Variants in VSTM4 observed in about 807,000 individuals in gnomAD.
The protein encoded by VSTM4 is V-set and transmembrane domain-containing protein 4.
Under a neutral mutation model 36.4 loss-of-function variants are expected in VSTM4, and 20 were observed. The observed-to-expected ratio is 0.55, with a 90% confidence interval of 0.39 to 0.80. The LOEUF (loss-of-function observed/expected upper bound fraction) is 0.80, where lower values mean the gene tolerates loss of function less well. Ranked by LOEUF, VSTM4 falls within the 30% of genes least tolerant of loss-of-function variation. VSTM4 has a pLI of 0.00. For synonymous variants in VSTM4, 182 were observed against 173.9 expected (o/e 1.05, Z -0.37); for missense variants, 392 against 404.5 (o/e 0.97, Z 0.26).
At chr10:49,107,348 C>T (rs1357490616) in intron 2 of VSTM4, among the ~76,000 whole-genome samples, 3 of 152,236 alleles carry the variant, frequency 2.0e-5, no homozygotes, top group African/African-American at 7.2e-5. Context: ...TTGGGCTGGG[C>T]CATGTTGGGG....
intron 1 of VSTM4, 21 bp downstream of exon 1, chr10:49,115,410 G>T (rs1371314400): frequency 6.9e-6 from 7 of 1,020,876 alleles, no homozygotes; most frequent in African/African-American, 5.3e-5. Flanking sequence ...TCCCGCTCCC[G>T]CCTGGCCCCG....
intron 4 of VSTM4, among the ~76,000 whole-genome samples, chr10:49,073,941 A>G (rs1229493461): frequency 6.6e-6 from 1 of 152,220 alleles, no homozygotes; most frequent in Non-Finnish European, 1.5e-5. Flanking sequence ...AAATTGGCTG[A>G]AGAGTGTTTT....
chr10:49,033,332 A>G (rs886483052), intron 7 of VSTM4, among the ~76,000 whole-genome samples: 2 of 152,226 alleles, frequency 1.3e-5, no homozygotes, highest in African/African-American at 4.8e-5. Flanking sequence ...GGAACTTGGC[A>G]CACAGAAATG....
intron 2 of VSTM4, among the ~76,000 whole-genome samples, chr10:49,104,898 G>C (rs374401829): frequency 2.8e-5 from 4 of 144,182 alleles, no homozygotes; most frequent in African/African-American, 8.0e-5. Context: ...GAGAGAGAGA[G>C]ACACAGAGAG....
chr10:49,040,612 A>G (rs1244976705), intron 7 of VSTM4, among the ~76,000 whole-genome samples: 1 of 151,762 alleles, frequency 6.6e-6, no homozygotes, highest in Non-Finnish European at 1.5e-5. Flanking sequence ...TTGTCCTACT[A>G]TTTTTTAAAA....
At chr10:49,114,661 T>C (rs1468692009) in intron 1 of VSTM4, among the ~76,000 whole-genome samples, 1 of 151,958 alleles carries the variant, frequency 6.6e-6, no homozygotes, top group Non-Finnish European at 1.5e-5. Context: ...TTAAATGAGA[T>C]AGGCCCAGAT....
chr10:49,015,625 GGGAGTGTGGTCT>G lies in VSTM4; in HGVS notation c.*4013_*4024del, dbSNP rs944551072. 7 of 152,172 alleles carry G rather than the reference GGGAGTGTGGTCT, an allele frequency of 4.6e-5. No homozygotes were observed. Among genetic ancestry groups the G allele is most frequent in the Non-Finnish European group, 1.0e-4 (7 of 68,046 alleles). 9.4% of individuals were successfully genotyped at this position (152,172 alleles called of 1,614,324 possible). A position where few individuals can be genotyped will look rare whatever the true frequency, so the allele number is the denominator to read the frequency against. On this transcript the variant is annotated 3_prime_UTR_variant, in exon 8 of 8. Coordinates refer to ENST00000332853, the MANE Select transcript of VSTM4 (RefSeq NM_001031746.5). ...CAGTTTCTATCCTATGTATGGAGAT[GGGAGTGTGGTCT>G]GGAGTGGGGTCAATGTCCCCGCCAT...
At chr10:49,079,405 G>GT (rs1422391690) in intron 3 of VSTM4, among the ~76,000 whole-genome samples, 1 of 152,080 alleles carries the variant, frequency 6.6e-6, no homozygotes, top group Admixed American at 6.5e-5. Flanking sequence ...AATAATCAAC[G>GT]TTATCATTAG....
At chr10:49,096,622 C>CGTGTGTGT (rs57143308) in intron 2 of VSTM4, among the ~76,000 whole-genome samples, 5,675 of 122,480 alleles carry the variant, frequency 0.046, 205 homozygotes, top group South Asian at 0.079. Flanking sequence ...CATTGAAGAC[C>CGTGTGTGT]GTGTGTGTGT....
intron 4 of VSTM4, among the ~76,000 whole-genome samples, chr10:49,073,587 T>C (rs1844120955): frequency 6.6e-6 from 1 of 152,210 alleles, no homozygotes; most frequent in African/African-American, 2.4e-5. Flanking sequence ...TCAATGGACC[T>C]GGGAATAATC....
At chr10:49,071,246 T>A (rs1370450579) in intron 4 of VSTM4, among the ~76,000 whole-genome samples, 2 of 152,170 alleles carry the variant, frequency 1.3e-5, no homozygotes, top group Non-Finnish European at 2.9e-5. Flanking sequence ...ATTTAAAAGC[T>A]CAGACACAGA....
chr10:49,030,965 C>A (rs1334551082), intron 7 of VSTM4, among the ~76,000 whole-genome samples: 6 of 152,212 alleles, frequency 3.9e-5, no homozygotes, highest in African/African-American at 1.4e-4. Flanking sequence ...GCAACTGCTC[C>A]ATGGTCTAAC....
At chr10:49,030,654 A>T (rs4838362) in intron 7 of VSTM4, among the ~76,000 whole-genome samples, 9,031 of 152,288 alleles carry the variant, frequency 0.059, 283 homozygotes, top group Middle Eastern at 0.12. Context: ...AATTCGCCTC[A>T]GGTCCTTGAG....
chr10:49,039,736 C>T (rs182524115), intron 7 of VSTM4, among the ~76,000 whole-genome samples: 1 of 152,302 alleles, frequency 6.6e-6, no homozygotes, highest in African/African-American at 2.4e-5. Flanking sequence ...TTGCCACCTT[C>T]CAGTTAATGT....
At chr10:49,052,619 T>C (rs1424177202) in intron 5 of VSTM4, among the ~76,000 whole-genome samples, 1 of 152,212 alleles carries the variant, frequency 6.6e-6, no homozygotes, top group East Asian at 1.9e-4. Flanking sequence ...AATTTGTTTT[T>C]GCTAAAATCT....
At chr10:49,106,953 C>T (rs947013175) in intron 2 of VSTM4, among the ~76,000 whole-genome samples, 3 of 152,218 alleles carry the variant, frequency 2.0e-5, no homozygotes, top group Non-Finnish European at 2.9e-5. Context: ...ACTGCTTGTT[C>T]CAGCCAACAC....
chr10:49,086,736 C>T (rs770705664), intron 2 of VSTM4, among the ~76,000 whole-genome samples: 14 of 152,158 alleles, frequency 9.2e-5, no homozygotes, highest in Non-Finnish European at 2.1e-4. Flanking sequence ...TTCAATAGAA[C>T]CTTCTGAAGT....
chr10:49,105,231 G>GAC (rs1488895734), intron 2 of VSTM4, among the ~76,000 whole-genome samples: 15 of 148,936 alleles, frequency 1.0e-4, no homozygotes, highest in Non-Finnish European at 8.9e-5. Flanking sequence ...GAGAGAGAGA[G>GAC]AGAGACAGAG....
intron 3 of VSTM4, among the ~76,000 whole-genome samples, chr10:49,084,768 C>T (rs765413216): frequency 1.3e-5 from 2 of 152,228 alleles, no homozygotes; most frequent in African/African-American, 2.4e-5. Context: ...TCACAAAGTG[C>T]ATTCTTTAAT....
Sources: allele counts gnomAD v4.1 joint callset (sites outside exome capture counted in the v4.1 genomes callset), GRCh38; gene constraint gnomAD v4.1.1; transcripts MANE v1.5; gene names NCBI Gene and HGNC (gene_info 2026-07-23, HGNC 2026-07-21).